PCGF2: variants seen among roughly 807,000 people sequenced by gnomAD.
PCGF2 encodes the protein polycomb group ring finger 2.
Under a neutral mutation model 36.1 loss-of-function variants are expected in PCGF2, and 8 were observed. The observed-to-expected ratio is 0.22, with a 90% CI of 0.13 to 0.40. The LOEUF is 0.40. Among genes scored for constraint, PCGF2 ranks in the 10% least tolerant of loss-of-function variants. The pLI is 1.00. For synonymous variants in PCGF2, 198 were observed against 191.2 expected (o/e 1.04, Z -0.29); for missense variants, 436 against 475.9 (o/e 0.92, Z 0.78).
rs1301292841 is a variant in PCGF2 at position 38,735,701 on chromosome 17, C to G, written c.658-101G>C. On this transcript the variant is annotated intron_variant, in intron 10 of 10. Transcript: ENST00000620225. ...ATCTCCACCCCACAGTGTCCAAACT[C>G]GAAAAAAGGGATGGGATGGGGCCTT... 2.8e-5 allele frequency: 39 copies of G among 1,400,174 alleles called. No individual in the cohort carries two copies. The South Asian group carries it at 5.3e-4, about 19-fold the overall frequency. The allele number at this position is 1,400,174 out of a possible 1,614,324, so 86.7% of individuals were successfully genotyped here.
intron 2 of PCGF2, among the ~76,000 whole-genome samples, chr17:38,740,911 G>A (rs1907163815): frequency 6.6e-6 from 1 of 152,038 alleles, no homozygotes; most frequent in African/African-American, 2.4e-5. Flanking sequence ...GTTCTTTCTG[G>A]CCACCTCTGA....
chr17:38,738,781 G>A lies in PCGF2; in HGVS notation c.397C>T (p.Leu133Phe). 1.2e-6 allele frequency: 2 copies of A among 1,613,956 alleles called. No homozygotes were observed. Among genetic ancestry groups the A allele is most frequent in the Non-Finnish European group, 1.7e-6 (2 of 1,179,832 alleles). ...GCACCTTCGTAGAATTCGATGGAGA[G>A]GCTGACAATCTCATCATCACTCAGA... ...GALSDDEIVS[L>F]SIEFYEGARD... Residue 133 changes from leucine (L) to phenylalanine (F), a missense_variant, in exon 7 of 11, where the codon CTC becomes TTC. This residue lies in a region of PCGF2 where 189 missense variants were observed against 219.3 expected (regional missense o/e 0.86). Transcript: ENST00000620225.
At chr17:38,742,730 A>G (rs1285674170) in intron 2 of PCGF2, among the ~76,000 whole-genome samples, 2 of 152,200 alleles carry the variant, frequency 1.3e-5, no homozygotes, top group East Asian at 3.9e-4. Context: ...AAATATTATT[A>G]CAACCATCCA....
chr17:38,742,615 C>A (rs367806969), intron 2 of PCGF2, among the ~76,000 whole-genome samples: 7 of 152,160 alleles, frequency 4.6e-5, no homozygotes, highest in African/African-American at 1.7e-4. Context: ...GTGGCCTCGG[C>A]CAGCCCTCCC....
In PCGF2 at chr17:38,739,573, G is replaced by A. The variant is rs371855222; in HGVS notation, c.209+13C>T. 85 of 1,598,406 alleles carry A rather than the reference G, an allele frequency of 5.3e-5. No individual in the cohort carries two copies. Among genetic ancestry groups the A allele is most frequent in the African/African-American group, 6.7e-5 (5 of 74,606 alleles). ...GAGGATCGCGGGGACAGGAGGTGCC[G>A]TGCCAAGCCCACCTGATGCTCAGCA... On this transcript the variant is annotated intron_variant, in intron 4 of 10. Transcript: ENST00000620225. The surrounding 1 kb of genome is among the most constrained non-coding windows in gnomAD (Gnocchi z 4.0).
chr17:38,744,503 G>T (rs748759923), intron 2 of PCGF2, among the ~76,000 whole-genome samples: 18 of 152,120 alleles, frequency 1.2e-4, no homozygotes, highest in Non-Finnish European at 2.5e-4. Flanking sequence ...ATACAGGCGT[G>T]TGCCACCACA....
In PCGF2 at chr17:38,735,257, G is replaced by T. The variant is rs1906595190; in HGVS notation, c.1001C>A (p.Thr334Asn). The T allele has an allele frequency of 2.7e-6, 4 of 1,462,408 alleles. No individual in the cohort carries two copies. Among genetic ancestry groups the T allele is most frequent in the Non-Finnish European group, 9.1e-7 (1 of 1,096,816 alleles). 90.6% of individuals were successfully genotyped at this position (1,462,408 alleles called of 1,614,324 possible). ...PSSTSRGRKM[T>N]VNGAPVPPLT ...GGGGGGCACGGGAGCGCCGTTGACA[G>T]TCATCTTGCGCCCCCTGCTGGTGGA... Residue 334 changes from threonine to asparagine, a missense_variant, in exon 11 of 11, where the codon ACT becomes AAT. By Grantham distance (65) the Thr-to-Asn change is moderately conservative. This residue lies in a region of PCGF2 where 227 missense variants were observed against 212.9 expected (regional missense o/e 1.07). Transcript: ENST00000620225.
At chr17:38,736,954 G>A (rs1477413910) in intron 9 of PCGF2, among the ~76,000 whole-genome samples, 1 of 151,770 alleles carries the variant, frequency 6.6e-6, no homozygotes, top group Non-Finnish European at 1.5e-5. Context: ...CCAACATGGA[G>A]AAACCCCGTC....
intron 2 of PCGF2, among the ~76,000 whole-genome samples, chr17:38,740,771 A>G (rs1907152411): frequency 6.6e-6 from 1 of 151,544 alleles, no homozygotes; most frequent in African/African-American, 2.4e-5. Context: ...AAAAGAAAAG[A>G]AAAAAGAAAC....
rs752439412 is a variant in PCGF2, at chr17:38,735,432, G to A, written c.826C>T (p.Leu276=). 1.3e-6 allele frequency: 2 copies of A among 1,581,004 alleles called. No homozygotes were observed. The highest frequency in any genetic ancestry group is 1.2e-5 in the South Asian group (1 of 86,714). ...TGGGATGGGGTGGCTGGGCTGGGCA[G>A]GGAGGAGGAGGTGGCTGGCAGGGTG... ...PATLPATSSS[L]PSPATPSHGS... The change falls in exon 11 of 11, where the codon CTG becomes TTG. Residue 276 remains leucine, a synonymous_variant. Coordinates refer to ENST00000620225, the MANE Select transcript of PCGF2 (RefSeq NM_007144.3).
Position 38,735,519 on chromosome 17 carries a change from C to T in PCGF2, c.739G>A (p.Gly247Ser). The change falls in exon 11 of 11, where the codon GGC (glycine) becomes AGC (serine). Residue 247 changes from glycine to serine, a missense_variant. This residue lies in a region of PCGF2 where 227 missense variants were observed against 212.9 expected (regional missense o/e 1.07). Transcript: ENST00000620225. ...TLATVPTPSE[G>S]TNTSGASECE... Reference sequence around the variant, plus strand: ...TCGGACGCCCCGCTGGTGTTGGTGCCCTCGGAGGGGGTGGGCACCGTGGCT... The same window carrying T: ...TCGGACGCCCCGCTGGTGTTGGTGCTCTCGGAGGGGGTGGGCACCGTGGCT... 1.3e-6 allele frequency: 2 copies of T among 1,590,844 alleles called. No homozygotes were observed. Among genetic ancestry groups the T allele is most frequent in the Non-Finnish European group, 1.7e-6 (2 of 1,168,806 alleles).
chr17:38,749,023 G>T (rs1907745789), upstream of PCGF2, among the ~76,000 whole-genome samples: 1 of 152,148 alleles, frequency 6.6e-6, no homozygotes, highest in African/African-American at 2.4e-5. The surrounding 1 kb of genome is among the most constrained non-coding windows in gnomAD (Gnocchi z 6.5). Context: ...GGCCGGGTGG[G>T]GGGCCTCGCC....
intron 2 of PCGF2, 76 bp from the exon 3 acceptor site, chr17:38,740,518 G>A: frequency 1.9e-6 from 2 of 1,047,980 alleles, no homozygotes; most frequent in Non-Finnish European, 2.8e-6. Flanking sequence ...CCAGCACTTT[G>A]GGAGGCCAAG....
intron 9 of PCGF2, among the ~76,000 whole-genome samples, chr17:38,736,837 A>AAAAAC (rs934266429): frequency 4.0e-5 from 6 of 151,606 alleles, no homozygotes; most frequent in African/African-American, 9.7e-5. Flanking sequence ...CCGTCTCAAA[A>AAAAAC]AAAACAAAAC....
intron 2 of PCGF2, among the ~76,000 whole-genome samples, chr17:38,745,756 C>A (rs190532252): frequency 6.6e-6 from 1 of 152,150 alleles, no homozygotes; most frequent in South Asian, 2.1e-4. Context: ...CCTGGAGTGG[C>A]GGGAAAACCA....
At chr17:38,747,513 G>T (rs919535294) in intron 2 of PCGF2, among the ~76,000 whole-genome samples, 1 of 152,216 alleles carries the variant, frequency 6.6e-6, no homozygotes, top group East Asian at 1.9e-4. Context: ...CTTTCTGCGG[G>T]GCCCCGGGAG....
intron 10 of PCGF2, 56 bp from the exon 11 acceptor site, chr17:38,735,656 A>G: frequency 5.4e-6 from 8 of 1,477,650 alleles, no homozygotes; most frequent in Non-Finnish European, 7.2e-6. Flanking sequence ...CAGGAGACAG[A>G]GTCCAACTAA....
chr17:38,736,634 A>C (rs1261604459), intron 9 of PCGF2, among the ~76,000 whole-genome samples: 1 of 152,068 alleles, frequency 6.6e-6, no homozygotes, highest in Non-Finnish European at 1.5e-5. Context: ...GGAGATCGAG[A>C]CCATCCTGGC....
Position 38,740,420 on chromosome 17 carries a change from T to TGGGGGGGGGGGG in PCGF2, c.-19_-18insCCCCCCCCCCCC. 1 of 445,004 alleles carries TGGGGGGGGGGGG rather than the reference T, an allele frequency of 2.2e-6. No individual in the cohort carries two copies. The allele number at this position is 445,004 out of a possible 1,614,324, so 27.6% of individuals were successfully genotyped here. A position where few individuals can be genotyped will look rare whatever the true frequency, so the allele number is the denominator to read the frequency against. On this transcript the variant is annotated 5_prime_UTR_variant, in exon 3 of 11. Coordinates refer to ENST00000620225, the MANE Select transcript of PCGF2 (RefSeq NM_007144.3). ...CGATGCATGATTCCGGGGTCGGGGGTGGGGGGACTGGGGAGCGTTGCCCTG... is the reference window on the plus strand; with the variant it reads ...CGATGCATGATTCCGGGGTCGGGGGTGGGGGGGGGGGGGGGGGGACTGGGGAGCGTTGCCCTG...
Sources: allele counts gnomAD v4.1 joint callset (sites outside exome capture counted in the v4.1 genomes callset), GRCh38; gene constraint gnomAD v4.1.1; regional missense constraint gnomAD v4.1.1; non-coding constraint Gnocchi (gnomAD v3.1); transcripts MANE v1.5; gene names NCBI Gene and HGNC (gene_info 2026-07-23, HGNC 2026-07-21).